The following APBA2 variants were observed in gnomAD, a reference collection of about 807,000 sequenced individuals.
The protein encoded by APBA2 is amyloid-beta A4 precursor protein-binding family A member 2.
A neutral mutation model predicts 75.0 loss-of-function variants in APBA2; 30 were observed. The observed-to-expected ratio is 0.40, with a 90% CI of 0.30 to 0.54. The LOEUF is 0.54. Among genes scored for constraint, APBA2 ranks in the 20% least tolerant of loss-of-function variants. The pLI, the probability that APBA2 is intolerant of heterozygous loss-of-function variation, is 0.49. For missense variants in APBA2, 801 were observed against 1,016.1 expected, an observed-to-expected ratio of 0.79 and a Z score of 2.88; for synonymous variants, 444 against 409.6, an observed-to-expected ratio of 1.08 and a Z score of -1.01.
chr15:29,049,402 C>T (rs11858246), intron 3 of APBA2, among the ~76,000 whole-genome samples: 1 of 152,144 alleles, frequency 6.6e-6, no homozygotes, highest in East Asian at 1.9e-4. Context: ...TTGCTTGCTC[C>T]AAGGGAAGAG....
chr15:29,101,247 GA>G (rs1414970024), intron 9 of APBA2, among the ~76,000 whole-genome samples: 4 of 136,168 alleles, frequency 2.9e-5, no homozygotes, highest in Non-Finnish European at 1.6e-5. Context: ...CTTTTTTTTT[GA>G]GACGGAGTTT....
intron 3 of APBA2, among the ~76,000 whole-genome samples, chr15:29,026,224 C>T (rs532518254): frequency 8.5e-5 from 13 of 152,244 alleles, no homozygotes; most frequent in African/African-American, 2.2e-4. Context: ...AGACAAGGAA[C>T]GAATCTCTGG....
chr15:28,893,088 C>T (rs1343481139), intron 1 of APBA2, among the ~76,000 whole-genome samples: 4 of 152,194 alleles, frequency 2.6e-5, no homozygotes, highest in Admixed American at 1.3e-4. Flanking sequence ...TGGGGCCAGG[C>T]ATGTGTTAGG....
At chr15:29,069,212 G>A (rs1296622013) in intron 4 of APBA2, among the ~76,000 whole-genome samples, 1 of 152,150 alleles carries the variant, frequency 6.6e-6, no homozygotes, top group African/African-American at 2.4e-5. Context: ...GTGGCTGAAT[G>A]ATATTCCACT....
intron 9 of APBA2, among the ~76,000 whole-genome samples, chr15:29,099,268 C>A (rs758845213): frequency 6.6e-6 from 1 of 152,216 alleles, no homozygotes; most frequent in Non-Finnish European, 1.5e-5. Context: ...CCAAGACCAC[C>A]ACAGGCTGGG....
At chr15:28,969,490 A>G (rs2152749770) in intron 2 of APBA2, among the ~76,000 whole-genome samples, 1 of 152,148 alleles carries the variant, frequency 6.6e-6, no homozygotes, top group East Asian at 1.9e-4. Flanking sequence ...TTAACCTTTC[A>G]TTTCAAATAA....
In APBA2 at chr15:28,918,719, C is replaced by T. The variant is rs2033809306; in HGVS notation, c.-204-2921C>T. ...CAGAGGCTACTGCTGGGCCTGGTGT[C>T]GCCATGGCAGCTGGAGAGCGGGCGA... On this transcript the variant is annotated intron_variant, in intron 1 of 14. Coordinates refer to ENST00000683413, the MANE Select transcript of APBA2 (RefSeq NM_001353788.2). This position sits in a 1 kb window ranked among gnomAD's most constrained non-coding sequence, Gnocchi z 4.2. Among the ~76,000 whole-genome samples the T allele has an allele frequency of 1.3e-5, 2 of 152,248 alleles. No individual in the cohort carries two copies. Among genetic ancestry groups the T allele is most frequent in the East Asian group, 3.9e-4 (2 of 5,166 alleles).
At chr15:28,931,058 A>G (rs1251098163) in intron 2 of APBA2, among the ~76,000 whole-genome samples, 1 of 152,204 alleles carries the variant, frequency 6.6e-6, no homozygotes, top group African/African-American at 2.4e-5. Context: ...GGGGTCTGCT[A>G]GAAGCCCTGT....
chr15:29,079,898 A>G (rs1038300332), intron 6 of APBA2, among the ~76,000 whole-genome samples: 4 of 152,238 alleles, frequency 2.6e-5, no homozygotes, highest in Non-Finnish European at 5.9e-5. Context: ...TCCCTGTGCC[A>G]TGCAGCATCT....
At chr15:28,962,856 T>C (rs75697788) in intron 2 of APBA2, among the ~76,000 whole-genome samples, 1 of 152,252 alleles carries the variant, frequency 6.6e-6, no homozygotes, top group Non-Finnish European at 1.5e-5. Flanking sequence ...GCTGGTCTTC[T>C]TTAAATTGGT....
At chr15:28,955,948 G>A (rs1259028897) in intron 2 of APBA2, among the ~76,000 whole-genome samples, 2 of 152,182 alleles carry the variant, frequency 1.3e-5, no homozygotes, top group Non-Finnish European at 2.9e-5. Context: ...CAACCATGGA[G>A]GAGCTGTGAG....
Position 29,105,561 on chromosome 15 carries a change from AAGCCACACCCACC to A in APBA2, c.1704+8_1704+20del, listed in dbSNP as rs770416381. ...CAAACTCGGAGAACTGCAAGGAGGT[AAGCCACACCCACC>A]AGCCTCAGGGAGGCCACATTTGCCA... On this transcript the variant is annotated splice_donor_5th_base_variant and intron_variant, in intron 11 of 14. Coordinates refer to ENST00000683413, the MANE Select transcript of APBA2 (RefSeq NM_001353788.2). The A allele has an allele frequency of 5.0e-5, 80 of 1,613,228 alleles. No homozygotes were observed. The highest frequency in any genetic ancestry group is 3.3e-4 in the Middle Eastern group (2 of 6,062).
chr15:29,112,845 A>T (rs1463882264), intron 13 of APBA2, among the ~76,000 whole-genome samples: 5 of 151,764 alleles, frequency 3.3e-5, no homozygotes, highest in Non-Finnish European at 7.4e-5. Context: ...TGTCCCCACT[A>T]AGCACCACCG....
intron 3 of APBA2, among the ~76,000 whole-genome samples, chr15:29,001,813 A>G (rs2038863420): frequency 6.6e-6 from 1 of 151,946 alleles, no homozygotes; most frequent in Non-Finnish European, 1.5e-5. Flanking sequence ...CCTTTTTTTT[A>G]AAAGATGGAA....
chr15:29,039,044 T>C (rs1157843766), intron 3 of APBA2, among the ~76,000 whole-genome samples: 4 of 151,450 alleles, frequency 2.6e-5, no homozygotes, highest in East Asian at 1.9e-4. Context: ...CGGGGAGATA[T>C]GCTGCCTTGA....
chr15:28,945,212 T>G (rs2035476507), intron 2 of APBA2, among the ~76,000 whole-genome samples: 1 of 152,140 alleles, frequency 6.6e-6, no homozygotes, highest in Admixed American at 6.5e-5. Flanking sequence ...AGGAGACTGG[T>G]AGAGCCTAAG....
chr15:28,915,365 ACACCTCACACACACCATGCC>A (rs1467804383), intron 1 of APBA2, among the ~76,000 whole-genome samples: 1 of 149,650 alleles, frequency 6.7e-6, no homozygotes, highest in Non-Finnish European at 1.5e-5. Context: ...CATACCACAC[ACACCTCACACACACCATGCC>A]CACCTCACAC....
At chr15:29,092,031 C>T (rs927355738) in intron 6 of APBA2, among the ~76,000 whole-genome samples, 3 of 152,184 alleles carry the variant, frequency 2.0e-5, no homozygotes, top group African/African-American at 4.8e-5. Context: ...AGCCAAGCCA[C>T]GGTCTAGGAT....
chr15:29,052,219 G>T (rs1219773579), intron 3 of APBA2, among the ~76,000 whole-genome samples: 1 of 152,000 alleles, frequency 6.6e-6, no homozygotes, highest in East Asian at 1.9e-4. Context: ...ACTTTTAGAG[G>T]CCGAGGTGGG....
Sources: gnomAD v4.1 joint callset for allele counts (sites outside exome capture counted in the v4.1 genomes callset) on GRCh38, gnomAD v4.1.1 for gene constraint, Gnocchi (gnomAD v3.1) non-coding constraint, MANE v1.5 for transcripts, NCBI Gene and HGNC (gene_info 2026-07-23, HGNC 2026-07-21) for gene names.